Variants in DCAF17 observed in about 807,000 individuals in gnomAD.
The protein encoded by DCAF17 is DDB1 and CUL4 associated factor 17.
In DCAF17, 48 loss-of-function variants were observed where a neutral mutation model predicts 66.0. The observed-to-expected ratio is 0.73, with a 90% confidence interval of 0.58 to 0.92. DCAF17 has a LOEUF of 0.92. DCAF17 is among the 40% of genes least tolerant of loss of function. The pLI is 0.00. For synonymous variants in DCAF17, 206 were observed against 214.6 expected (o/e 0.96, Z 0.35); for missense variants, 562 against 622.8 (o/e 0.90, Z 1.04).
Position 171,473,733 on chromosome 2 carries a change from A to G in DCAF17, c.982-133A>G, listed in dbSNP as rs1391255821. On this transcript the variant is annotated intron_variant, in intron 9 of 13. Transcript: ENST00000375255. ...GCATGTCCTCATTTGGCCCTCAAAT[A>G]TATTCCACTTTAACTGGTTAATATT... 4 of 724,304 alleles carry G rather than the reference A, an allele frequency of 5.5e-6. No homozygotes were observed. The Admixed American group carries it at 8.6e-5, about 16-fold the overall frequency. 44.9% of individuals were successfully genotyped at this position (724,304 alleles called of 1,614,324 possible).
intron 9 of DCAF17, chr2:171,473,031 G>C (rs1696333042): frequency 5.5e-6 from 1 of 183,130 alleles, no homozygotes; most frequent in African/African-American, 2.4e-5. Flanking sequence ...ATATACTACA[G>C]TGAAATCTCT....
rs1693649095 is a variant in DCAF17 at position 171,434,528 on chromosome 2, G to C, written c.-50G>C. On this transcript the variant is annotated 5_prime_UTR_variant, in exon 1 of 14. Transcript: ENST00000375255. ...GGCGGCTGCCCAGCACGGGAGTGTG[G>C]GGCGCGCCACTCGGCGGCCCAGCCT... 6.6e-7 allele frequency: 1 copy of C among 1,522,926 alleles called. No homozygotes were observed. The highest frequency in any genetic ancestry group is 1.4e-5 in the African/African-American group (1 of 72,194). The allele number at this position is 1,522,926 out of a possible 1,614,324, so 94.3% of individuals were successfully genotyped here. A position where few individuals can be genotyped will look rare whatever the true frequency, so the allele number is the denominator to read the frequency against.
intron 2 of DCAF17, among the ~76,000 whole-genome samples, chr2:171,442,702 A>G (rs1431074587): frequency 6.6e-6 from 1 of 152,050 alleles, no homozygotes; most frequent in Non-Finnish European, 1.5e-5. Flanking sequence ...CAACATGGCA[A>G]AACTCTGCCT....
At chr2:171,437,282 C>A (rs547149974) in intron 2 of DCAF17, among the ~76,000 whole-genome samples, 1 of 152,236 alleles carries the variant, frequency 6.6e-6, no homozygotes, top group South Asian at 2.1e-4. Flanking sequence ...AGGTAGGTAT[C>A]CAACTCCATT....
Position 171,434,537 on chromosome 2 carries a change from A to C in DCAF17, c.-41A>C. On this transcript the variant is annotated 5_prime_UTR_variant, in exon 1 of 14. Coordinates refer to ENST00000375255, the MANE Select transcript of DCAF17 (RefSeq NM_025000.4). ...CCAGCACGGGAGTGTGGGGCGCGCC[A>C]CTCGGCGGCCCAGCCTACCCAGGGC... 6.6e-7 allele frequency: 1 copy of C among 1,523,170 alleles called. No individual in the cohort carries two copies. The highest frequency in any genetic ancestry group is 8.8e-7 in the Non-Finnish European group (1 of 1,140,258). The allele number at this position is 1,523,170 out of a possible 1,614,324, so 94.4% of individuals were successfully genotyped here.
intron 8 of DCAF17, among the ~76,000 whole-genome samples, chr2:171,467,260 A>G (rs1477561105): frequency 1.3e-5 from 2 of 152,164 alleles, no homozygotes; most frequent in African/African-American, 4.8e-5. Context: ...GCCTAGAAAT[A>G]TGGAAAAAAT....
chr2:171,470,389 C>T (rs980296539), intron 9 of DCAF17, among the ~76,000 whole-genome samples: 4 of 152,146 alleles, frequency 2.6e-5, no homozygotes, highest in African/African-American at 4.8e-5. Context: ...CCTTTCACCA[C>T]GCACGTTACA....
chr2:171,454,973 T>C (rs900055930), intron 6 of DCAF17, among the ~76,000 whole-genome samples: 1 of 150,778 alleles, frequency 6.6e-6, no homozygotes, highest in Non-Finnish European at 1.5e-5. Context: ...TATATTTTCT[T>C]TTTTTTTTAA....
At chr2:171,439,936 C>A (rs1282899599) in intron 2 of DCAF17, among the ~76,000 whole-genome samples, 12 of 151,322 alleles carry the variant, frequency 7.9e-5, no homozygotes. Context: ...AAAAGAAAAC[C>A]CCAAAAAACC....
At position 171,468,974 on chromosome 2, in the gene DCAF17, A is replaced by G. The variant is rs1696080658; in HGVS notation, c.925A>G (p.Asn309Asp). The G allele has an allele frequency of 6.2e-7, 1 of 1,614,130 alleles. No homozygotes were observed. Among genetic ancestry groups the G allele is most frequent in the Non-Finnish European group, 8.5e-7 (1 of 1,179,998 alleles). The change falls in exon 9 of 14, where the codon AAT becomes GAT. Residue 309 changes from asparagine to aspartate, a missense_variant. Coordinates refer to ENST00000375255, the MANE Select transcript of DCAF17 (RefSeq NM_025000.4). The stretch of plus-strand genomic sequence containing the variant: ...TCCTTGGCACTACATCGTCACACCT[A>G]ATAAGAAGAAACAGAAAGGAGTTTT... ...GHPWHYIVTP[N>D]KKKQKGVFHI...
intron 8 of DCAF17, among the ~76,000 whole-genome samples, chr2:171,460,820 G>A (rs536598117): frequency 6.6e-6 from 1 of 152,184 alleles, no homozygotes; most frequent in South Asian, 2.1e-4. Flanking sequence ...ACAGGCATGA[G>A]CCACTGTGCC....
At chr2:171,474,216 T>C (rs1342210098) in intron 10 of DCAF17, 3 of 518,840 alleles carry the variant, frequency 5.8e-6, no homozygotes, top group African/African-American at 5.8e-5. Context: ...TAAAAGGGAA[T>C]TACAGACTGG....
At chr2:171,473,480 G>A (rs988788959) in intron 9 of DCAF17, among the ~76,000 whole-genome samples, 1 of 151,984 alleles carries the variant, frequency 6.6e-6, no homozygotes, top group African/African-American at 2.4e-5. Context: ...AAAAAATTGG[G>A]CAAATGATTT....
At chr2:171,454,677 A>G (rs1695147572) in intron 6 of DCAF17, among the ~76,000 whole-genome samples, 2 of 151,830 alleles carry the variant, frequency 1.3e-5, no homozygotes, top group Admixed American at 1.3e-4. Context: ...CAGGCCGGTC[A>G]TTTGAGGTTA....
chr2:171,451,325 T>C lies in DCAF17; in HGVS notation c.537+1368T>C, dbSNP rs531589144. 1.7e-3 allele frequency among the ~76,000 whole-genome samples: 257 copies of C among 152,268 alleles called. 2 individuals carry two copies. Among genetic ancestry groups the C allele is most frequent in the Non-Finnish European group, 3.2e-3 (221 of 68,002 alleles). On this transcript the variant is annotated intron_variant, in intron 5 of 13. Coordinates refer to ENST00000375255, the MANE Select transcript of DCAF17 (RefSeq NM_025000.4). ...CACATTAATAACTTAACTGCATGCC[T>C]TTTATTGGAATCTCCTTACCCTTTT...
At chr2:171,458,527 TATAA>T (rs1695394043) in intron 8 of DCAF17, 50 bp downstream of exon 8, 1 of 1,329,682 alleles carries the variant, frequency 7.5e-7, no homozygotes, top group Non-Finnish European at 1.1e-6. Flanking sequence ...TAAGTGGTCA[TATAA>T]ATAGTTATTA....
chr2:171,448,422 A>T (rs184208846), intron 3 of DCAF17, among the ~76,000 whole-genome samples: 4 of 144,884 alleles, frequency 2.8e-5, no homozygotes, highest in African/African-American at 1.0e-4. Flanking sequence ...AATACTTAAT[A>T]AAATAATTAA....
At chr2:171,460,224 G>A (rs1201822506) in intron 8 of DCAF17, among the ~76,000 whole-genome samples, 1 of 151,570 alleles carries the variant, frequency 6.6e-6, no homozygotes, top group African/African-American at 2.4e-5. Flanking sequence ...TTGGGAGGCT[G>A]AGGCAGGAGA....
At position 171,482,511 on chromosome 2, in the gene DCAF17, AC is replaced by A. The variant is rs1696785018; in HGVS notation, c.*1398del. 2.2e-6 allele frequency: 1 copy of A among 453,968 alleles called. No homozygotes were observed. The highest frequency in any genetic ancestry group is 2.0e-5 in the African/African-American group (1 of 49,996). The allele number at this position is 453,968 out of a possible 1,614,324, so 28.1% of individuals were successfully genotyped here. Reference sequence around the variant, plus strand: ...ACTCAGTAAACTTACATCTTGAAAAACAAGACCAGTAAGAGGCCAGTGAAAG... The same window carrying A: ...ACTCAGTAAACTTACATCTTGAAAAAAAGACCAGTAAGAGGCCAGTGAAAG... On this transcript the variant is annotated 3_prime_UTR_variant, in exon 14 of 14. Coordinates refer to ENST00000375255, the MANE Select transcript of DCAF17 (RefSeq NM_025000.4).
Sources: allele counts gnomAD v4.1 joint callset (sites outside exome capture counted in the v4.1 genomes callset), GRCh38; gene constraint gnomAD v4.1.1; transcripts MANE v1.5; gene names NCBI Gene and HGNC (gene_info 2026-07-23, HGNC 2026-07-21).